Variants in IL16 observed in about 807,000 individuals in gnomAD.
IL16 encodes the protein interleukin 16.
IL16 carries 67 observed loss-of-function variants against 110.1 expected under a neutral mutation model. The ratio of observed to expected loss-of-function variants is 0.61; its 90% CI spans 0.50 to 0.75. IL16 has a LOEUF of 0.75. IL16 is among the 30% of genes least tolerant of loss of function. The pLI is 0.00. For missense variants in IL16, 1,545 were observed against 1,655.0 expected (o/e 0.93, Z 1.15); for synonymous variants, 689 against 662.9 (o/e 1.04, Z -0.61).
At chr15:81,190,312 C>T (rs1895480131) in intron 1 of IL16, among the ~76,000 whole-genome samples, 1 of 152,214 alleles carries the variant, frequency 6.6e-6, no homozygotes, top group Admixed American at 6.5e-5. Context: ...CTGACCACTC[C>T]CTCCCAGTGT....
At chr15:81,268,559 G>A (rs1355058946) in intron 4 of IL16, among the ~76,000 whole-genome samples, 3 of 152,238 alleles carry the variant, frequency 2.0e-5, no homozygotes, top group South Asian at 2.1e-4. Flanking sequence ...TCAGCAGCCC[G>A]GGATCCTGGT....
intron 1 of IL16, 30 bp from the exon 2 acceptor site, chr15:81,225,268 AT>A (rs1218662600): frequency 6.8e-7 from 1 of 1,476,706 alleles, no homozygotes; most frequent in East Asian, 2.5e-5. Context: ...AGCAAGTCAC[AT>A]TGCTTCTTCC....
chr15:81,188,523 C>G, intron 1 of IL16: 2 of 444,090 alleles, frequency 4.5e-6, no homozygotes, highest in Admixed American at 4.8e-5. Context: ...TCCCTCAGGT[C>G]AGACACTAGT....
At chr15:81,306,571 G>T in intron 18 of IL16, 26 bp downstream of exon 18, 2 of 1,608,234 alleles carry the variant, frequency 1.2e-6, no homozygotes, top group Middle Eastern at 1.6e-4. Flanking sequence ...GGTTCTTTGC[G>T]TGCTCTCCAG....
intron 1 of IL16, among the ~76,000 whole-genome samples, chr15:81,220,253 G>A (rs756688786): frequency 2.0e-5 from 3 of 152,136 alleles, no homozygotes; most frequent in Non-Finnish European, 4.4e-5. Context: ...CTCCATCTCA[G>A]CCTCCTGAGT....
chr15:81,290,580 C>T (rs1298620123), intron 11 of IL16, 40 bp downstream of exon 11: 2 of 1,386,466 alleles, frequency 1.4e-6, no homozygotes, highest in African/African-American at 1.4e-5. Flanking sequence ...ATATCTTTGC[C>T]TTCTTAGAAA....
At chr15:81,210,250 G>A (rs916113679) in intron 1 of IL16, among the ~76,000 whole-genome samples, 5 of 152,204 alleles carry the variant, frequency 3.3e-5, no homozygotes, top group African/African-American at 1.2e-4. Flanking sequence ...CCAGTGCCAT[G>A]CTGTTTTGGT....
Position 81,285,755 on chromosome 15 carries a change from T to G in IL16, c.1257T>G (p.Asn419Lys). 1 of 1,614,142 alleles carries G rather than the reference T, an allele frequency of 6.2e-7. No homozygotes were observed. The highest frequency in any genetic ancestry group is 2.2e-5 in the East Asian group (1 of 44,892). ...CCCCTGTGCACTGCCTGACGCTCAA[T>G]GAAGTCTACACGATCCTGAGTCACT... ...SDSPVHCLTL[N>K]EVYTILSHCD... The change falls in exon 10 of 19, where the codon AAT becomes AAG. Residue 419 changes from asparagine to lysine, a missense_variant. By Grantham distance (94) the Asn-to-Lys change is moderately conservative. Coordinates refer to ENST00000683961, the MANE Select transcript of IL16 (RefSeq NM_172217.5).
At chr15:81,307,801 C>G (rs1407487880) in intron 18 of IL16, among the ~76,000 whole-genome samples, 1 of 152,200 alleles carries the variant, frequency 6.6e-6, no homozygotes, top group East Asian at 1.9e-4. Flanking sequence ...AGCTATGAAG[C>G]TCTGGGCCAG....
At chr15:81,271,487 G>C (rs1225225064) in intron 5 of IL16, among the ~76,000 whole-genome samples, 1 of 151,968 alleles carries the variant, frequency 6.6e-6, no homozygotes, top group Non-Finnish European at 1.5e-5. Flanking sequence ...GAATATCTCT[G>C]TGTGTATGTG....
Position 81,306,531 on chromosome 15 carries a change from A to C in IL16, c.3791A>C (p.Asn1264Thr), listed in dbSNP as rs1466585071. The C allele has an allele frequency of 1.2e-6, 2 of 1,613,312 alleles. No homozygotes were observed. The highest frequency in any genetic ancestry group is 1.7e-6 in the Non-Finnish European group (2 of 1,180,026). Reference sequence around the variant, plus strand: ...CACGGAGACAAGCCTCTCACCATTAACAGGATTTTCAAAGGTGTGGGGTGT... The same window carrying C: ...CACGGAGACAAGCCTCTCACCATTACCAGGATTTTCAAAGGTGTGGGGTGT... ...SLHGDKPLTI[N>T]RIFKGAASEQ... The change falls in exon 18 of 19, where the codon AAC (asparagine) becomes ACC (threonine). Residue 1264 changes from asparagine to threonine, a missense_variant. By Grantham distance (65) the Asn-to-Thr change is moderately conservative. Coordinates refer to ENST00000683961, the MANE Select transcript of IL16 (RefSeq NM_172217.5).
rs139620838 is a variant in IL16 at position 81,183,346 on chromosome 15, G to A, written c.40+450G>A. On this transcript the variant is annotated intron_variant, in intron 1 of 18. Coordinates refer to the IL16 transcript ENST00000302987. ...ACAGAAGAGGGAGCTGCTCAGCTCC[G>A]GGAGAAGTGAACGGAGTGCTGGTCT... 6.9e-3 allele frequency among the ~76,000 whole-genome samples: 1,044 copies of A among 152,318 alleles called. 10 individuals carry two copies. The highest frequency in any genetic ancestry group is 0.024 in the African/African-American group (997 of 41,572).
At chr15:81,252,990 C>G (rs57814984) in intron 2 of IL16, among the ~76,000 whole-genome samples, 1 of 151,944 alleles carries the variant, frequency 6.6e-6, no homozygotes, top group Middle Eastern at 3.2e-3. Context: ...GGGTATATAC[C>G]TAGGAATGGA....
intron 3 of IL16, among the ~76,000 whole-genome samples, chr15:81,265,299 C>G (rs556154868): frequency 6.6e-6 from 1 of 152,282 alleles, no homozygotes; most frequent in East Asian, 1.9e-4. Flanking sequence ...TCCTTTCTCT[C>G]CTTGGTTGGG....
At chr15:81,224,304 G>A (rs1896715988) in intron 1 of IL16, among the ~76,000 whole-genome samples, 1 of 152,214 alleles carries the variant, frequency 6.6e-6, no homozygotes, top group African/African-American at 2.4e-5. Flanking sequence ...CCCACAATTT[G>A]TTGTTCTGGC....
upstream of IL16, among the ~76,000 whole-genome samples, chr15:81,193,926 A>G (rs1305461708): frequency 6.6e-6 from 1 of 152,212 alleles, no homozygotes; most frequent in Non-Finnish European, 1.5e-5. Flanking sequence ...TTACATTACT[A>G]GTTAAAATTG....
At chr15:81,288,844 T>TGTGTGTGTGTGC (rs1442453637) in intron 10 of IL16, among the ~76,000 whole-genome samples, 1 of 150,124 alleles carries the variant, frequency 6.7e-6, no homozygotes, top group East Asian at 2.0e-4. Context: ...TGTGTGTGTG[T>TGTGTGTGTGTGC]GTGTGCGTGT....
At position 81,311,270 on chromosome 15, in the gene IL16, C is replaced by G. The variant is rs1197436078; in HGVS notation, c.*2472C>G. 6.6e-6 allele frequency: 1 copy of G among 152,254 alleles called. No homozygotes were observed. Among genetic ancestry groups the G allele is most frequent in the African/African-American group, 2.4e-5 (1 of 41,470 alleles). 9.4% of individuals were successfully genotyped at this position (152,254 alleles called of 1,614,324 possible). A position where few individuals can be genotyped will look rare whatever the true frequency, so the allele number is the denominator to read the frequency against. The stretch of plus-strand genomic sequence containing the variant: ...AATCCACTCCCAGGCAGCCCTACTT[C>G]TTTGCTTTGCCCAGCATTTTACTGA... On this transcript the variant is annotated 3_prime_UTR_variant, in exon 19 of 19. Transcript: ENST00000683961.
chr15:81,258,353 C>T (rs56055822), intron 2 of IL16, among the ~76,000 whole-genome samples: 4,600 of 152,240 alleles, frequency 0.03, 111 homozygotes, highest in Non-Finnish European at 0.048. Flanking sequence ...ATACTGCTTA[C>T]ATACTCAATA....
Sources: gnomAD v4.1 joint callset for allele counts (sites outside exome capture counted in the v4.1 genomes callset) on GRCh38, gnomAD v4.1.1 for gene constraint, MANE v1.5 for transcripts, NCBI Gene and HGNC (gene_info 2026-07-23, HGNC 2026-07-21) for gene names.